PCDHGA3: variants seen among roughly 807,000 people sequenced by gnomAD.
PCDHGA3 encodes the protein protocadherin gamma-A3.
PCDHGA3 carries 40 observed loss-of-function variants against 58.5 expected under a neutral mutation model. The ratio of observed to expected loss-of-function variants is 0.68; its 90% CI spans 0.53 to 0.89. PCDHGA3 has a LOEUF of 0.89. Ranked by LOEUF, PCDHGA3 falls within the 40% of genes least tolerant of loss-of-function variation. PCDHGA3 has a pLI of 0.00. For missense variants in PCDHGA3, 1,223 were observed against 1,195.9 expected (o/e 1.02, Z -0.33); for synonymous variants, 530 against 525.7 (o/e 1.01, Z -0.11).
chr5:141,387,561 A>G lies in PCDHGA3; in HGVS notation c.2424+41104A>G, dbSNP rs2090990234. 9 of 426,060 alleles carry G rather than the reference A, an allele frequency of 2.1e-5. No homozygotes were observed. The East Asian group carries it at 3.4e-4, about 16-fold the overall frequency. 26.4% of individuals were successfully genotyped at this position (426,060 alleles called of 1,614,324 possible). A position where few individuals can be genotyped will look rare whatever the true frequency, so the allele number is the denominator to read the frequency against. The stretch of plus-strand genomic sequence containing the variant: ...AGTTTTTGTTCTTTCAGTTAGGCAC[A>G]CAATTATAATTATTGCACTGGTTAA... On this transcript the variant is annotated intron_variant, in intron 1 of 3. Transcript: ENST00000253812.
At chr5:141,428,145 A>T (rs748256830) in intron 1 of PCDHGA3, 11 of 1,592,456 alleles carry the variant, frequency 6.9e-6, no homozygotes, top group Non-Finnish European at 8.6e-7. Flanking sequence ...GGGGCTGCAC[A>T]CGGGAACCTG....
At chr5:141,448,150 C>T (rs1182411283) in intron 1 of PCDHGA3, among the ~76,000 whole-genome samples, 4 of 151,924 alleles carry the variant, frequency 2.6e-5, no homozygotes, top group Non-Finnish European at 5.9e-5. Flanking sequence ...CTCAGACTCA[C>T]CCCTGAAAGA....
intron 1 of PCDHGA3, among the ~76,000 whole-genome samples, chr5:141,449,607 A>G (rs1279835785): frequency 1.3e-5 from 2 of 149,984 alleles, no homozygotes; most frequent in African/African-American, 4.9e-5. Flanking sequence ...AAAAAAAAAA[A>G]GTAAAAAAGT....
chr5:141,350,041 C>T (rs1046482793), intron 1 of PCDHGA3: 2 of 388,654 alleles, frequency 5.1e-6, no homozygotes, highest in Non-Finnish European at 9.1e-6. Context: ...CTCTGGGCGC[C>T]GCTGTCGACC....
At chr5:141,427,401 G>A (rs2097022075) in intron 1 of PCDHGA3, 1 of 461,400 alleles carries the variant, frequency 2.2e-6, no homozygotes, top group Non-Finnish European at 4.3e-6. Flanking sequence ...ACATGATAAA[G>A]ATTCGAGAGA....
At chr5:141,386,154 A>T (rs1211383292) in intron 1 of PCDHGA3, among the ~76,000 whole-genome samples, 2 of 152,222 alleles carry the variant, frequency 1.3e-5, no homozygotes, top group Non-Finnish European at 2.9e-5. Context: ...CAACTGTCTC[A>T]CGTACTCAAA....
intron 1 of PCDHGA3, chr5:141,478,165 C>A: frequency 1.2e-6 from 2 of 1,614,038 alleles, no homozygotes; most frequent in Non-Finnish European, 1.7e-6. Context: ...GCTCTGCCCC[C>A]CGGGAGCAGA....
Position 141,504,677 on chromosome 5 carries a change from T to C in PCDHGA3, c.2484-716T>C, listed in dbSNP as rs552242248. 4.7e-5 allele frequency among the ~76,000 whole-genome samples: 7 copies of C among 147,580 alleles called. No homozygotes were observed. In the East Asian group the frequency reaches 1.5e-3, roughly 31 times the overall value. ...TTTGAGGGCGGGGGGTGGGGGTTCT[T>C]GTAAAATAGGAGGGGCAGGTTCTTC... On this transcript the variant is annotated intron_variant, in intron 2 of 3. Transcript: ENST00000253812.
intron 1 of PCDHGA3, among the ~76,000 whole-genome samples, chr5:141,446,022 T>C (rs2098484874): frequency 1.3e-5 from 2 of 152,198 alleles, no homozygotes; most frequent in Admixed American, 1.3e-4. Flanking sequence ...TATGGCAATA[T>C]TCCTGGTAAG....
chr5:141,420,975 G>A, intron 1 of PCDHGA3: 2 of 458,946 alleles, frequency 4.4e-6, no homozygotes, highest in South Asian at 4.2e-5. Context: ...TAATAAGAAT[G>A]GGCTCTAGGC....
At chr5:141,462,539 T>G (rs2099042077) in intron 1 of PCDHGA3, among the ~76,000 whole-genome samples, 1 of 152,184 alleles carries the variant, frequency 6.6e-6, no homozygotes, top group African/African-American at 2.4e-5. Flanking sequence ...TTCAGTGATC[T>G]TTTCTTCTTC....
At chr5:141,427,007 C>T (rs1215109574) in intron 1 of PCDHGA3, 2 of 456,668 alleles carry the variant, frequency 4.4e-6, no homozygotes, top group Admixed American at 2.3e-5. Flanking sequence ...CAGTTTTTAG[C>T]CAGGATGTAT....
At chr5:141,355,077 C>T in intron 1 of PCDHGA3, 2 of 1,404,062 alleles carry the variant, frequency 1.4e-6, no homozygotes, top group South Asian at 3.0e-5. Flanking sequence ...ATGAAAGCTT[C>T]AAGCGGAAGC....
At chr5:141,412,936 A>T in intron 1 of PCDHGA3, 1 of 459,508 alleles carries the variant, frequency 2.2e-6, no homozygotes, top group African/African-American at 2.0e-5. Flanking sequence ...ACTTCTTAGG[A>T]CTCTGAGCGC....
At chr5:141,436,104 G>A (rs368559994) in intron 1 of PCDHGA3, among the ~76,000 whole-genome samples, 10 of 152,086 alleles carry the variant, frequency 6.6e-5, no homozygotes, top group East Asian at 3.9e-4. Flanking sequence ...AGAAATAGAG[G>A]ACAATGAAAC....
Position 141,387,642 on chromosome 5 carries a change from C to G in PCDHGA3, c.2424+41185C>G, listed in dbSNP as rs554256672. The G allele has an allele frequency of 4.8e-6, 3 of 622,368 alleles. No homozygotes were observed. In the Admixed American group the frequency reaches 1.0e-4, roughly 21 times the overall value. The allele number at this position is 622,368 out of a possible 1,614,324, so 38.6% of individuals were successfully genotyped here. A position where few individuals can be genotyped will look rare whatever the true frequency, so the allele number is the denominator to read the frequency against. On this transcript the variant is annotated intron_variant, in intron 1 of 3. Transcript: ENST00000253812. Reference sequence around the variant, plus strand: ...TGCTGACTCTGGGCGCCGCTGTTGGCCAAAGTGGAGAGCTTGGCGCTCCAG... The same window carrying G: ...TGCTGACTCTGGGCGCCGCTGTTGGGCAAAGTGGAGAGCTTGGCGCTCCAG...
intron 1 of PCDHGA3, chr5:141,420,386 A>G (rs1407565643): frequency 6.2e-6 from 8 of 1,284,798 alleles, no homozygotes; most frequent in Non-Finnish European, 7.2e-6. Context: ...AGTTCGCAAA[A>G]TATAGGTCAA....
intron 1 of PCDHGA3, among the ~76,000 whole-genome samples, chr5:141,458,526 A>T (rs921943954): frequency 1.7e-4 from 26 of 151,492 alleles, no homozygotes; most frequent in African/African-American, 5.6e-4. Flanking sequence ...TTTTTTTTTA[A>T]CTTATCAACT....
intron 1 of PCDHGA3, among the ~76,000 whole-genome samples, chr5:141,455,769 C>T (rs1371335785): frequency 2.6e-5 from 4 of 152,014 alleles, no homozygotes; most frequent in Admixed American, 2.6e-4. Flanking sequence ...AGAGCCGGGG[C>T]TTTAAAAGAA....
Sources: gnomAD v4.1 joint callset for allele counts (sites outside exome capture counted in the v4.1 genomes callset) on GRCh38, gnomAD v4.1.1 for gene constraint, MANE v1.5 for transcripts, NCBI Gene and HGNC (gene_info 2026-07-23, HGNC 2026-07-21) for gene names.